Variants in NTN1 observed in about 807,000 individuals in gnomAD.
The protein encoded by NTN1 is netrin 1, also known as netrin-1.
A neutral mutation model predicts 54.2 loss-of-function variants in NTN1; 11 were observed. That is an observed-to-expected ratio of 0.20 (90% CI 0.13 to 0.34). NTN1 has a LOEUF of 0.34. Among genes scored for constraint, NTN1 ranks in the 10% least tolerant of loss-of-function variants. NTN1 has a pLI of 1.00. For synonymous variants in NTN1, 371 were observed against 382.0 expected, an observed-to-expected ratio of 0.97 and a Z score of 0.33; for missense variants, 740 against 893.1, an observed-to-expected ratio of 0.83 and a Z score of 2.18.
At chr17:9,120,427 T>C (rs2092228640) in intron 2 of NTN1, among the ~76,000 whole-genome samples, 1 of 152,186 alleles carries the variant, frequency 6.6e-6, no homozygotes, top group Admixed American at 6.5e-5. Flanking sequence ...CCTGCATAAA[T>C]GTCCAAGCGT....
At chr17:9,192,798 C>T (rs1049841246) in intron 5 of NTN1, among the ~76,000 whole-genome samples, 26 of 152,066 alleles carry the variant, frequency 1.7e-4, no homozygotes, top group African/African-American at 4.8e-5. Flanking sequence ...GCTGTTTCCT[C>T]GGCCGGGCGC....
At chr17:9,122,313 C>T (rs967534632) in intron 2 of NTN1, among the ~76,000 whole-genome samples, 4 of 152,106 alleles carry the variant, frequency 2.6e-5, no homozygotes, top group African/African-American at 9.7e-5. Context: ...GGATTACAGG[C>T]GTGAGCCACC....
intron 6 of NTN1, among the ~76,000 whole-genome samples, chr17:9,229,430 A>G (rs934373223): frequency 1.3e-5 from 2 of 151,810 alleles, no homozygotes; most frequent in African/African-American, 4.8e-5. Flanking sequence ...TCCTGTCAAT[A>G]GGACGCTGAG....
At position 9,102,602 on chromosome 17, in the gene NTN1, G is replaced by A. The variant is rs377641932; in HGVS notation, c.1019-60211G>A. Among the ~76,000 whole-genome samples, 12 of 152,256 alleles carry A rather than the reference G, an allele frequency of 7.9e-5. No homozygotes were observed. In the South Asian group the frequency reaches 1.2e-3, roughly 16 times the overall value. On this transcript the variant is annotated intron_variant, in intron 2 of 6. Coordinates refer to ENST00000173229, the MANE Select transcript of NTN1 (RefSeq NM_004822.3). ...AGCTGACATGTGCCCATCTTATAACGCAGCAATTCCACTCTTGGGTTTATA... is the reference window on the plus strand; with the variant it reads ...AGCTGACATGTGCCCATCTTATAACACAGCAATTCCACTCTTGGGTTTATA...
Position 9,142,153 on chromosome 17 carries a change from G to A in NTN1, c.1019-20660G>A, listed in dbSNP as rs550989418. On this transcript the variant is annotated intron_variant, in intron 2 of 6. Coordinates refer to ENST00000173229, the MANE Select transcript of NTN1 (RefSeq NM_004822.3). Reference sequence around the variant, plus strand: ...AAAAAAGTAAAATTAGCTGGGCATGGTGGCGGGCCCCTGTAATCCCAGCTA... The same window carrying A: ...AAAAAAGTAAAATTAGCTGGGCATGATGGCGGGCCCCTGTAATCCCAGCTA... 1.4e-4 allele frequency among the ~76,000 whole-genome samples: 22 copies of A among 151,848 alleles called. No homozygotes were observed. In the South Asian group the frequency reaches 4.6e-3, roughly 32 times the overall value.
At chr17:9,227,383 A>ACG (rs1173434941) in intron 6 of NTN1, among the ~76,000 whole-genome samples, 1 of 53,590 alleles carries the variant, frequency 1.9e-5, no homozygotes, top group African/African-American at 9.1e-5. Context: ...ATCACACACC[A>ACG]CACACTATCA....
At chr17:9,115,317 T>C (rs2092207400) in intron 2 of NTN1, among the ~76,000 whole-genome samples, 1 of 152,188 alleles carries the variant, frequency 6.6e-6, no homozygotes, top group Non-Finnish European at 1.5e-5. Flanking sequence ...AAATAGGCAA[T>C]GGAGGTGGTT....
chr17:9,132,368 C>T (rs2092268436), intron 2 of NTN1, among the ~76,000 whole-genome samples: 1 of 152,220 alleles, frequency 6.6e-6, no homozygotes, highest in Non-Finnish European at 1.5e-5. Context: ...TCCTATGCAT[C>T]TCACACTAGC....
intron 5 of NTN1, among the ~76,000 whole-genome samples, chr17:9,197,883 C>T (rs1904680490): frequency 6.6e-6 from 1 of 152,180 alleles, no homozygotes. Context: ...ATCTAAAAAT[C>T]TTCCCATGGT....
At chr17:9,218,803 A>G (rs1375096763) in intron 5 of NTN1, among the ~76,000 whole-genome samples, 4 of 152,082 alleles carry the variant, frequency 2.6e-5, no homozygotes, top group African/African-American at 4.8e-5. Context: ...AGCCTATGCT[A>G]TCTACAAGGC....
At chr17:9,138,540 G>A (rs184074441) in intron 2 of NTN1, among the ~76,000 whole-genome samples, 17 of 152,338 alleles carry the variant, frequency 1.1e-4, no homozygotes, top group African/African-American at 4.1e-4. Context: ...GCCCTGCGTG[G>A]ATGGGAGATG....
At position 9,051,540 on chromosome 17, in the gene NTN1, C is replaced by T. The variant is rs191619143; in HGVS notation, c.1018+28149C>T. Reference sequence around the variant, plus strand: ...CTAGTTTTCTTAATGGATTATTTTTCCTCCAGCTTTATTGAGGTATAATTG... The same window carrying T: ...CTAGTTTTCTTAATGGATTATTTTTTCTCCAGCTTTATTGAGGTATAATTG... On this transcript the variant is annotated intron_variant, in intron 2 of 6. Transcript: ENST00000173229. Among the ~76,000 whole-genome samples, 243 of 152,286 alleles carry T rather than the reference C, an allele frequency of 1.6e-3. 1 individual carries two copies. The highest frequency in any genetic ancestry group is 5.7e-3 in the African/African-American group (235 of 41,560).
chr17:9,181,834 C>A (rs555616524), intron 4 of NTN1, among the ~76,000 whole-genome samples: 1 of 152,276 alleles, frequency 6.6e-6, no homozygotes, highest in Admixed American at 6.5e-5. Context: ...CATGGTTTGG[C>A]CTTGTTCAGA....
intron 3 of NTN1, among the ~76,000 whole-genome samples, chr17:9,164,749 G>A (rs563046638): frequency 3.6e-4 from 55 of 152,308 alleles, no homozygotes; most frequent in Non-Finnish European, 7.1e-4. Flanking sequence ...TCTGGTGGTT[G>A]CCAAGAGAAA....
chr17:9,235,750 CTTTTT>C (rs1163805143), intron 6 of NTN1, among the ~76,000 whole-genome samples: 2 of 50,842 alleles, frequency 3.9e-5, no homozygotes, highest in Non-Finnish European at 1.3e-4. Context: ...TTTTTTTTTT[CTTTTT>C]TTTTTTTTTG....
chr17:9,229,356 T>G (rs1433081762), intron 6 of NTN1, among the ~76,000 whole-genome samples: 1 of 152,178 alleles, frequency 6.6e-6, no homozygotes, highest in African/African-American at 2.4e-5. Flanking sequence ...ACTGGGCACA[T>G]CACAGCCTTG....
At chr17:9,171,432 CAT>C (rs149691544) in intron 3 of NTN1, 15 of 152,370 alleles carry the variant, frequency 9.8e-5, no homozygotes, top group South Asian at 4.1e-4. Context: ...TGATTCACCA[CAT>C]GTTTGTGTAA....
At chr17:9,185,085 T>C (rs2142321878) in intron 5 of NTN1, among the ~76,000 whole-genome samples, 1 of 152,310 alleles carries the variant, frequency 6.6e-6, no homozygotes, top group Non-Finnish European at 1.5e-5. Flanking sequence ...AGTGAGCAGG[T>C]TGGAAGCCTG....
At chr17:9,074,986 A>G (rs2092044649) in intron 2 of NTN1, among the ~76,000 whole-genome samples, 1 of 152,212 alleles carries the variant, frequency 6.6e-6, no homozygotes. Context: ...GTGGATGTGG[A>G]ATATGCTAGC....
Sources: allele counts gnomAD v4.1 joint callset (sites outside exome capture counted in the v4.1 genomes callset), GRCh38; gene constraint gnomAD v4.1.1; transcripts MANE v1.5; gene names NCBI Gene and HGNC (gene_info 2026-07-23, HGNC 2026-07-21).